PRMT3: variants seen among roughly 807,000 people sequenced by gnomAD.
The protein encoded by PRMT3 is protein arginine methyltransferase 3, also known as protein arginine N-methyltransferase 3.
In PRMT3, 62 loss-of-function variants were observed where a neutral mutation model predicts 71.9. The ratio of observed to expected loss-of-function variants is 0.86; its 90% CI spans 0.70 to 1.07. PRMT3 has a LOEUF of 1.07. Ranked by LOEUF, PRMT3 falls within the 50% of genes least tolerant of loss-of-function variation. The pLI, the probability that PRMT3 is intolerant of heterozygous loss-of-function variation, is 0.00. For synonymous variants in PRMT3, 213 were observed against 220.4 expected, an observed-to-expected ratio of 0.97 and a Z score of 0.30; for missense variants, 663 against 643.0, an observed-to-expected ratio of 1.03 and a Z score of -0.34.
intron 10 of PRMT3, among the ~76,000 whole-genome samples, chr11:20,448,790 T>C (rs962108853): frequency 2.0e-5 from 3 of 152,176 alleles, no homozygotes; most frequent in African/African-American, 4.8e-5. Flanking sequence ...CATATGTTCC[T>C]TTATAGTAAT....
At chr11:20,444,382 T>C (rs950381037) in intron 10 of PRMT3, among the ~76,000 whole-genome samples, 1 of 152,174 alleles carries the variant, frequency 6.6e-6, no homozygotes, top group African/African-American at 2.4e-5. Context: ...CAGTGTAAGG[T>C]ATGCATATTC....
In PRMT3 at chr11:20,494,219, T is replaced by C. The variant is rs774960786; in HGVS notation, c.1451T>C (p.Val484Ala). The C allele has an allele frequency of 5.6e-6, 9 of 1,610,512 alleles. No homozygotes were observed. The highest frequency in any genetic ancestry group is 7.6e-6 in the Non-Finnish European group (9 of 1,176,918). Residue 484 changes from valine to alanine, a missense_variant, in exon 15 of 16, where the codon GTA (valine) becomes GCA (alanine). Coordinates refer to ENST00000331079, the MANE Select transcript of PRMT3 (RefSeq NM_005788.4). ...QSTKTHWKQT[V>A]FLLEKPFSVK... Reference sequence around the variant, plus strand: ...ACCAAAACACACTGGAAACAAACAGTATTTCTACTGGAAAAACCATTTTCA... The same window carrying C: ...ACCAAAACACACTGGAAACAAACAGCATTTCTACTGGAAAAACCATTTTCA...
chr11:20,387,805 C>T lies in PRMT3; in HGVS notation c.28+31C>T, dbSNP rs182152257. On this transcript the variant is annotated intron_variant, in intron 1 of 15. Transcript: ENST00000331079. The surrounding 1 kb of genome is among the most constrained non-coding windows in gnomAD (Gnocchi z 4.3). ...TACCCTGGCCCCTCAGCACCCGGCT[C>T]GTCCAGCCCCAGGCCGCGCCGCTGT... 392 of 1,541,010 alleles carry T rather than the reference C, an allele frequency of 2.5e-4. 2 individuals are homozygous for T. In the East Asian group the frequency reaches 6.9e-3, roughly 27 times the overall value.
chr11:20,428,087 A>AT (rs554689101), intron 10 of PRMT3, among the ~76,000 whole-genome samples: 3,775 of 149,740 alleles, frequency 0.025, 63 homozygotes, highest in Non-Finnish European at 0.034. Flanking sequence ...CAGTATGTTG[A>AT]TTTTTTTTTT....
intron 10 of PRMT3, among the ~76,000 whole-genome samples, chr11:20,433,310 G>A (rs1430523579): frequency 2.0e-5 from 3 of 151,948 alleles, no homozygotes; most frequent in African/African-American, 7.3e-5. Flanking sequence ...GTGGTATTTG[G>A]TTTTCTGTTG....
At chr11:20,495,387 C>T (rs1009705116) in intron 15 of PRMT3, among the ~76,000 whole-genome samples, 5 of 151,970 alleles carry the variant, frequency 3.3e-5, no homozygotes, top group African/African-American at 9.7e-5. Flanking sequence ...ATTATCTGGG[C>T]ATAGTGACAA....
intron 13 of PRMT3, among the ~76,000 whole-genome samples, chr11:20,472,948 T>C (rs1438890243): frequency 6.6e-6 from 1 of 152,170 alleles, no homozygotes; most frequent in African/African-American, 2.4e-5. Context: ...TCATCAGGGA[T>C]TCAATTTCTT....
chr11:20,496,275 G>A (rs551406688), intron 15 of PRMT3, among the ~76,000 whole-genome samples: 9 of 152,006 alleles, frequency 5.9e-5, no homozygotes, highest in South Asian at 4.1e-4. Context: ...CATTGAAGCC[G>A]GGCATGGTGG....
chr11:20,440,031 C>G (rs1290053069), intron 10 of PRMT3, among the ~76,000 whole-genome samples: 2 of 152,062 alleles, frequency 1.3e-5, no homozygotes, highest in Non-Finnish European at 2.9e-5. Context: ...AACTGAATGT[C>G]CTTACTGGGG....
At chr11:20,500,342 T>G (rs1263820118) in intron 15 of PRMT3, among the ~76,000 whole-genome samples, 1 of 152,198 alleles carries the variant, frequency 6.6e-6, no homozygotes, top group Non-Finnish European at 1.5e-5. Context: ...AGAATTTCCT[T>G]TATTAATTCA....
chr11:20,387,959 T>A lies in PRMT3; in HGVS notation c.29-60T>A, dbSNP rs1197543891. On this transcript the variant is annotated intron_variant, in intron 1 of 15. Coordinates refer to ENST00000331079, the MANE Select transcript of PRMT3 (RefSeq NM_005788.4). This position sits in a 1 kb window ranked among gnomAD's most constrained non-coding sequence, Gnocchi z 4.3. Reference sequence around the variant, plus strand: ...AGGAGAGCCCATCGTCACCTGCTCCTCGAGCCCCCGGGCCGCACCGGTGTC... The same window carrying A: ...AGGAGAGCCCATCGTCACCTGCTCCACGAGCCCCCGGGCCGCACCGGTGTC... 3 of 1,608,834 alleles carry A rather than the reference T, an allele frequency of 1.9e-6. No individual in the cohort carries two copies. The highest frequency in any genetic ancestry group is 2.5e-6 in the Non-Finnish European group (3 of 1,177,376).
intron 3 of PRMT3, among the ~76,000 whole-genome samples, chr11:20,390,849 G>A (rs973363216): frequency 3.3e-5 from 5 of 152,172 alleles, no homozygotes; most frequent in Non-Finnish European, 7.3e-5. Flanking sequence ...AGGAGATCGA[G>A]ACCATCCTGG....
At chr11:20,474,297 A>G (rs1208559980) in intron 13 of PRMT3, among the ~76,000 whole-genome samples, 1 of 152,148 alleles carries the variant, frequency 6.6e-6, no homozygotes, top group Non-Finnish European at 1.5e-5. Context: ...AGTCAAGTTG[A>G]CAGAACTGCA....
chr11:20,419,476 T>C (rs1345562522), intron 9 of PRMT3, among the ~76,000 whole-genome samples: 2 of 152,246 alleles, frequency 1.3e-5, no homozygotes, highest in Non-Finnish European at 2.9e-5. Flanking sequence ...TTGTCATATC[T>C]TGATGATCTG....
intron 15 of PRMT3, among the ~76,000 whole-genome samples, chr11:20,502,181 GCT>G (rs745767813): frequency 1.3e-5 from 2 of 152,144 alleles, no homozygotes; most frequent in Non-Finnish European, 2.9e-5. Flanking sequence ...GTTCCTTCCA[GCT>G]CTCACCACAG....
intron 7 of PRMT3, among the ~76,000 whole-genome samples, chr11:20,398,453 T>A (rs1000537507): frequency 6.6e-6 from 1 of 151,156 alleles, no homozygotes; most frequent in African/African-American, 2.4e-5. Flanking sequence ...TAATGCCATA[T>A]TTTTTTTTGT....
At chr11:20,391,469 C>G (rs913681572) in intron 3 of PRMT3, among the ~76,000 whole-genome samples, 1 of 152,116 alleles carries the variant, frequency 6.6e-6, no homozygotes, top group African/African-American at 2.4e-5. Flanking sequence ...TCTGGAACTC[C>G]CGACCTCAGG....
rs1489384119 is a variant in PRMT3 at position 20,408,769 on chromosome 11, T to G, written c.893+737T>G. Among the ~76,000 whole-genome samples, 5 of 152,208 alleles carry G rather than the reference T, an allele frequency of 3.3e-5. No homozygotes were observed. In the East Asian group the frequency reaches 9.6e-4, roughly 29 times the overall value. ...TCTCATAGCAACTTTTAAGTGATTC[T>G]TCAACTTACATTGCTGTTCCACTCT... On this transcript the variant is annotated intron_variant, in intron 9 of 15. Transcript: ENST00000331079.
intron 10 of PRMT3, among the ~76,000 whole-genome samples, chr11:20,451,741 GC>G (rs1850153599): frequency 6.6e-6 from 1 of 151,906 alleles, no homozygotes; most frequent in African/African-American, 2.4e-5. Flanking sequence ...CTCAGACATT[GC>G]CACGTGTTCC....
Sources: allele counts gnomAD v4.1 joint callset (sites outside exome capture counted in the v4.1 genomes callset), GRCh38; gene constraint gnomAD v4.1.1; non-coding constraint Gnocchi (gnomAD v3.1); transcripts MANE v1.5; gene names NCBI Gene and HGNC (gene_info 2026-07-23, HGNC 2026-07-21).